ING5: variants seen among roughly 807,000 people sequenced by gnomAD.
The protein encoded by ING5 is inhibitor of growth family member 5, also known as inhibitor of growth protein 5.
Under a neutral mutation model 37.4 loss-of-function variants are expected in ING5, and 17 were observed. That is an observed-to-expected ratio of 0.45 (90% CI 0.31 to 0.68). The LOEUF is 0.68. Among genes scored for constraint, ING5 ranks in the 30% least tolerant of loss-of-function variants. The pLI, the probability that ING5 is intolerant of heterozygous loss-of-function variation, is 0.05. For missense variants in ING5, 233 were observed against 311.9 expected, an observed-to-expected ratio of 0.75 and a Z score of 1.91; for synonymous variants, 123 against 116.6, an observed-to-expected ratio of 1.06 and a Z score of -0.36.
At chr2:241,721,138 G>T in intron 5 of ING5, 1 of 985,604 alleles carries the variant, frequency 1.0e-6, no homozygotes, top group Non-Finnish European at 1.2e-6. Context: ...AGAGGGTGCT[G>T]CCCTGCTCTC....
chr2:241,704,743 A>C lies in ING5; in HGVS notation c.109+19A>C. 1 of 1,602,624 alleles carries C rather than the reference A, an allele frequency of 6.2e-7. No individual in the cohort carries two copies. The highest frequency in any genetic ancestry group is 8.6e-7 in the Non-Finnish European group (1 of 1,169,552). The stretch of plus-strand genomic sequence containing the variant: ...ACGGAAGGTGGGTTCAGACCTCTCC[A>C]TACAACCAGAACTGAGTTCTGACAG... On this transcript the variant is annotated intron_variant, in intron 2 of 7. Transcript: ENST00000313552.
At chr2:241,722,602 G>A (rs764294705) in intron 5 of ING5, 9 of 985,028 alleles carry the variant, frequency 9.1e-6, no homozygotes, top group African/African-American at 8.7e-5. Flanking sequence ...TTCTTGCTGC[G>A]CCTTCTTAGA....
Position 241,725,278 on chromosome 2 carries a change from G to C in ING5, c.*247G>C, listed in dbSNP as rs1307353685. On this transcript the variant is annotated 3_prime_UTR_variant, in exon 8 of 8. Coordinates refer to ENST00000313552, the MANE Select transcript of ING5 (RefSeq NM_032329.6). ...CAGGACTCCCCCCGAGCATCAGCAG[G>C]GACCCCGGCGGACGTGGGCGGGCGC... 1.1e-5 allele frequency: 6 copies of C among 523,296 alleles called. No individual in the cohort carries two copies. The highest frequency in any genetic ancestry group is 2.1e-5 in the Non-Finnish European group (6 of 289,076). 32.4% of individuals were successfully genotyped at this position (523,296 alleles called of 1,614,324 possible). A position where few individuals can be genotyped will look rare whatever the true frequency, so the allele number is the denominator to read the frequency against.
chr2:241,694,254 T>A (rs1459955213), intron 2 of ING5: 1 of 151,228 alleles, frequency 6.6e-6, no homozygotes, highest in African/African-American at 2.4e-5. Context: ...CCATCCTGGC[T>A]AACATGGTGA....
exon 1 of ING5, chr2:241,687,432 G>A: frequency 2.5e-6 from 1 of 398,818 alleles, no homozygotes; most frequent in Non-Finnish European, 4.4e-6. Flanking sequence ...CGCTGGCCAC[G>A]TGGCAATTGT....
chr2:241,720,623 G>A, intron 5 of ING5: 2 of 985,792 alleles, frequency 2.0e-6, no homozygotes, highest in Non-Finnish European at 2.4e-6. Flanking sequence ...CCCCTGCTAG[G>A]AGCCACGTGG....
At chr2:241,697,668 G>A (rs1308919767), upstream of ING5, among the ~76,000 whole-genome samples, 1 of 91,742 alleles carries the variant, frequency 1.1e-5, no homozygotes, top group Non-Finnish European at 2.3e-5. Flanking sequence ...TGGTTGCCAG[G>A]GGCCTCGGGA....
At chr2:241,691,743 C>T (rs1015788176) in intron 2 of ING5, among the ~76,000 whole-genome samples, 6 of 152,044 alleles carry the variant, frequency 3.9e-5, no homozygotes, top group African/African-American at 7.2e-5. Flanking sequence ...CCAGCCCTAT[C>T]GGATTAGGGT....
At position 241,720,715 on chromosome 2, in the gene ING5, G is replaced by A. The variant is rs528308148; in HGVS notation, c.483-2224G>A. 6.8e-5 allele frequency: 67 copies of A among 985,648 alleles called. No homozygotes were observed. The African/African-American group carries it at 1.1e-3, about 16-fold the overall frequency. 61.1% of individuals were successfully genotyped at this position (985,648 alleles called of 1,614,324 possible). A position where few individuals can be genotyped will look rare whatever the true frequency, so the allele number is the denominator to read the frequency against. ...AGGGGTGCCTGCCACACCCTGGGGAGTTAGCACAGAGGGTGCCTCTTGTGG... is the reference window on the plus strand; with the variant it reads ...AGGGGTGCCTGCCACACCCTGGGGAATTAGCACAGAGGGTGCCTCTTGTGG... On this transcript the variant is annotated intron_variant, in intron 5 of 7. Transcript: ENST00000313552.
intron 7 of ING5, chr2:241,723,826 A>G (rs778202745): frequency 1.9e-6 from 3 of 1,588,238 alleles, no homozygotes; most frequent in East Asian, 2.2e-5. Flanking sequence ...TCTGGGCAAC[A>G]TCGGGAGACC....
In ING5 at chr2:241,728,414, C is replaced by T. The variant is rs889472698; in HGVS notation, c.*3383C>T. ...AACCAGTGGGTCACTGTGGCAGCTT[C>T]ATCTGAGCCGAAGGTGTGGGTCCTC... On this transcript the variant is annotated 3_prime_UTR_variant, in exon 8 of 8. Transcript: ENST00000313552. 2 of 152,764 alleles carry T rather than the reference C, an allele frequency of 1.3e-5. No homozygotes were observed. The highest frequency in any genetic ancestry group is 1.3e-4 in the Admixed American group (2 of 15,286). The allele number at this position is 152,764 out of a possible 1,614,324, so 9.5% of individuals were successfully genotyped here.
exon 1 of ING5, chr2:241,687,395 CAG>C (rs2069455836): frequency 2.5e-6 from 1 of 398,898 alleles, no homozygotes; most frequent in South Asian, 1.3e-4. Context: ...TGTTTGACAG[CAG>C]GGGCAGGATG....
chr2:241,687,179 G>C, exon 1 of ING5: 1 of 393,682 alleles, frequency 2.5e-6, no homozygotes, highest in Non-Finnish European at 4.5e-6. Context: ...CCCAGCGTCG[G>C]CTCTCGTTGG....
At chr2:241,710,178 C>G (rs1254673459) in intron 3 of ING5, among the ~76,000 whole-genome samples, 2 of 152,112 alleles carry the variant, frequency 1.3e-5, no homozygotes, top group African/African-American at 4.8e-5. Context: ...GCTATCTCGG[C>G]TCACTGCAAC....
rs550301105 is a variant in ING5 at position 241,726,361 on chromosome 2, T to C, written c.*1330T>C. On this transcript the variant is annotated 3_prime_UTR_variant, in exon 8 of 8. Coordinates refer to ENST00000313552, the MANE Select transcript of ING5 (RefSeq NM_032329.6). ...GCTACATCTGTATCTTTTCCTCCTG[T>C]GTTTAATGTTTCACTAGGGAGAGGA... 3.0e-4 allele frequency: 46 copies of C among 152,334 alleles called. No homozygotes were observed. Among genetic ancestry groups the C allele is most frequent in the African/African-American group, 1.1e-3 (45 of 41,556 alleles). The allele number at this position is 152,334 out of a possible 1,614,324, so 9.4% of individuals were successfully genotyped here.
In ING5 at chr2:241,725,201, C is replaced by A; in HGVS notation, c.*170C>A. 1 of 721,624 alleles carries A rather than the reference C, an allele frequency of 1.4e-6. No homozygotes were observed. Among genetic ancestry groups the A allele is most frequent in the East Asian group, 2.7e-5 (1 of 36,900 alleles). The allele number at this position is 721,624 out of a possible 1,614,324, so 44.7% of individuals were successfully genotyped here. A position where few individuals can be genotyped will look rare whatever the true frequency, so the allele number is the denominator to read the frequency against. On this transcript the variant is annotated 3_prime_UTR_variant, in exon 8 of 8. Transcript: ENST00000313552. ...CAAGAACCACCAAAGCCTGTTCGCA[C>A]AGAAGGGCGACCTTGCAGGGACTCG...
Position 241,722,709 on chromosome 2 carries a change from G to T in ING5, c.483-230G>T, listed in dbSNP as rs189439882. ...TGTATTCAGTTAGTGCATGACTGCA[G>T]TGGCTGGCCCTGGAGTCGCATTCAT... On this transcript the variant is annotated intron_variant, in intron 5 of 7. Transcript: ENST00000313552. The T allele has an allele frequency of 3.2e-4, 313 of 985,484 alleles. 2 individuals carry two copies. The African/African-American group carries it at 5.3e-3, about 17-fold the overall frequency. The allele number at this position is 985,484 out of a possible 1,614,324, so 61.0% of individuals were successfully genotyped here.
intron 5 of ING5, chr2:241,720,935 G>T: frequency 9.1e-6 from 9 of 985,600 alleles, no homozygotes; most frequent in Non-Finnish European, 1.1e-5. Flanking sequence ...AGCTTCTGGG[G>T]TGCCCTTGCT....
At position 241,726,801 on chromosome 2, in the gene ING5, A is replaced by ATTTTTTTTT. The variant is rs759848977; in HGVS notation, c.*1773_*1781dup. ...GGAGATGGGTGGGTTTTGTATGTTA[A>ATTTTTTTTT]TTTTTTTTTTTGAGACGGAGTCTTG... is the stretch of plus-strand genomic sequence containing the variant. On this transcript the variant is annotated 3_prime_UTR_variant, in exon 8 of 8. Coordinates refer to ENST00000313552, the MANE Select transcript of ING5 (RefSeq NM_032329.6). 8.2e-4 allele frequency: 122 copies of ATTTTTTTTT among 149,512 alleles called. 1 individual carries two copies. Among genetic ancestry groups the ATTTTTTTTT allele is most frequent in the African/African-American group, 2.7e-3 (112 of 40,838 alleles). 9.3% of individuals were successfully genotyped at this position (149,512 alleles called of 1,614,324 possible). A position where few individuals can be genotyped will look rare whatever the true frequency, so the allele number is the denominator to read the frequency against.
Sources: allele counts gnomAD v4.1 joint callset (sites outside exome capture counted in the v4.1 genomes callset), GRCh38; gene constraint gnomAD v4.1.1; transcripts MANE v1.5; gene names NCBI Gene and HGNC (gene_info 2026-07-23, HGNC 2026-07-21).